The following UCHL1 variants were observed in gnomAD, a reference collection of about 807,000 sequenced individuals.
UCHL1 encodes ubiquitin C-terminal hydrolase L1.
UCHL1 carries 5 observed loss-of-function variants against 33.3 expected under a neutral mutation model. The observed-to-expected ratio is 0.15, with a 90% CI of 0.08 to 0.32. The LOEUF is 0.32. Among genes scored for constraint, UCHL1 ranks in the 10% least tolerant of loss-of-function variants. The pLI is 1.00. For missense variants in UCHL1, 236 were observed against 280.0 expected, an observed-to-expected ratio of 0.84 and a Z score of 1.12; for synonymous variants, 132 against 108.8, an observed-to-expected ratio of 1.21 and a Z score of -1.33.
Position 41,268,244 on chromosome 4 carries a change from C to T in UCHL1, c.*171C>T. On this transcript the variant is annotated 3_prime_UTR_variant, in exon 9 of 9. Transcript: ENST00000284440. ...CAGGCACTTAAGCACAAGCAGAGTGCACAGCTGTCCACTGGGCCATTGTGG... is the reference window on the plus strand; with the variant it reads ...CAGGCACTTAAGCACAAGCAGAGTGTACAGCTGTCCACTGGGCCATTGTGG... The T allele has an allele frequency of 1.5e-6, 1 of 661,982 alleles. No individual in the cohort carries two copies. The highest frequency in any genetic ancestry group is 2.7e-6 in the Non-Finnish European group (1 of 369,474). 41.0% of individuals were successfully genotyped at this position (661,982 alleles called of 1,614,324 possible). A position where few individuals can be genotyped will look rare whatever the true frequency, so the allele number is the denominator to read the frequency against.
At chr4:41,267,329 C>T (rs967983520) in intron 8 of UCHL1, among the ~76,000 whole-genome samples, 9 of 152,132 alleles carry the variant, frequency 5.9e-5, no homozygotes, top group South Asian at 2.1e-4. Flanking sequence ...CTGCAAGCTC[C>T]GCCTCCTGGG....
Position 41,257,847 on chromosome 4 carries a change from C to T in UCHL1, c.174+110C>T, listed in dbSNP as rs892047129. The T allele has an allele frequency of 8.4e-6, 12 of 1,436,274 alleles. No homozygotes were observed. The African/African-American group carries it at 1.6e-4, about 19-fold the overall frequency. 89.0% of individuals were successfully genotyped at this position (1,436,274 alleles called of 1,614,324 possible). On this transcript the variant is annotated intron_variant, in intron 3 of 8. Coordinates refer to ENST00000284440, the MANE Select transcript of UCHL1 (RefSeq NM_004181.5). Reference sequence around the variant, plus strand: ...CCCCTCCCCTGTAGGTGATGCGGGGCGCGCCTACAAGGAAGGGAGGAGCCT... The same window carrying T: ...CCCCTCCCCTGTAGGTGATGCGGGGTGCGCCTACAAGGAAGGGAGGAGCCT...
rs936469594 is a variant in UCHL1, at chr4:41,268,296, T to C, written c.*223T>C. ...GTGAGCTTCAGATGGTGAAGCATTC[T>C]CCCCAGTGTATGTCTTGTATCCGAT... is the stretch of plus-strand genomic sequence containing the variant. On this transcript the variant is annotated 3_prime_UTR_variant, in exon 9 of 9. Coordinates refer to ENST00000284440, the MANE Select transcript of UCHL1 (RefSeq NM_004181.5). 8 of 600,544 alleles carry C rather than the reference T, an allele frequency of 1.3e-5. No homozygotes were observed. The highest frequency in any genetic ancestry group is 2.4e-5 in the Non-Finnish European group (8 of 336,722). 37.2% of individuals were successfully genotyped at this position (600,544 alleles called of 1,614,324 possible).
rs772943928 is a variant in UCHL1 at position 41,261,711 on chromosome 4, T to C, written c.326-4T>C. 1 of 1,611,180 alleles carries C rather than the reference T, an allele frequency of 6.2e-7. No individual in the cohort carries two copies. Among genetic ancestry groups the C allele is most frequent in the African/African-American group, 1.3e-5 (1 of 74,910 alleles). On this transcript the variant is annotated splice_region_variant and splice_polypyrimidine_tract_variant and intron_variant, in intron 4 of 8. Coordinates refer to ENST00000284440, the MANE Select transcript of UCHL1 (RefSeq NM_004181.5). The stretch of plus-strand genomic sequence containing the variant: ...TATACTAACACATCCATTTTTTTTT[T>C]AAGAGGATGGATCAGTTCTGAAACA...
At chr4:41,266,247 T>A (rs951126233) in intron 8 of UCHL1, among the ~76,000 whole-genome samples, 12 of 143,700 alleles carry the variant, frequency 8.4e-5, no homozygotes, top group South Asian at 2.2e-4. Flanking sequence ...TTTTTTTTTT[T>A]AACTTTTCTA....
intron 2 of UCHL1, 95 bp from the exon 3 acceptor site, chr4:41,257,514 G>A: frequency 1.5e-6 from 2 of 1,360,668 alleles, no homozygotes; most frequent in Non-Finnish European, 1.9e-6. Flanking sequence ...TCGGGTGCGG[G>A]CGCGGAGGGC....
intron 4 of UCHL1, among the ~76,000 whole-genome samples, chr4:41,261,206 C>T (rs908577101): frequency 3.9e-5 from 6 of 152,012 alleles, no homozygotes; most frequent in East Asian, 1.9e-4. Flanking sequence ...TCTGAATAAC[C>T]GAATTACTAA....
chr4:41,260,545 C>A (rs1234698906), intron 3 of UCHL1, 102 bp from the exon 4 acceptor site: 2 of 1,423,774 alleles, frequency 1.4e-6, no homozygotes, highest in Non-Finnish European at 1.9e-6. Flanking sequence ...GTTCTGGTCA[C>A]ACATCCCACT....
intron 8 of UCHL1, 77 bp downstream of exon 8, chr4:41,264,238 C>T (rs773484021): frequency 1.3e-5 from 21 of 1,569,500 alleles, no homozygotes; most frequent in Admixed American, 5.0e-5. Context: ...AGTGCTAACA[C>T]TCTTCCAGTA....
intron 3 of UCHL1, among the ~76,000 whole-genome samples, chr4:41,259,662 C>T (rs1781039191): frequency 6.6e-6 from 1 of 152,154 alleles, no homozygotes; most frequent in Non-Finnish European, 1.5e-5. Flanking sequence ...TATGGGAAAT[C>T]AGTGTTTCTA....
intron 2 of UCHL1, chr4:41,257,396 C>A: frequency 1.1e-6 from 1 of 883,248 alleles, no homozygotes; most frequent in Non-Finnish European, 1.6e-6. Flanking sequence ...GCAGCACAGA[C>A]TCGGCTGCAC....
At chr4:41,263,589 C>G (rs929443711) in intron 7 of UCHL1, among the ~76,000 whole-genome samples, 1 of 152,172 alleles carries the variant, frequency 6.6e-6, no homozygotes, top group African/African-American at 2.4e-5. Flanking sequence ...GTTGGAATAA[C>G]TTCTATTAAC....
At chr4:41,257,887 CCT>C in intron 3 of UCHL1, 150 bp downstream of exon 3, 1 of 1,249,206 alleles carries the variant, frequency 8.0e-7, no homozygotes, top group Non-Finnish European at 1.1e-6. Context: ...TTTCGTGGTA[CCT>C]ACTCCCTGGG....
chr4:41,262,172 G>C (rs1232834152), intron 6 of UCHL1, among the ~76,000 whole-genome samples: 5 of 152,178 alleles, frequency 3.3e-5, no homozygotes, highest in Non-Finnish European at 7.4e-5. Context: ...ATCCAAATGA[G>C]TCTTATAGGT....
chr4:41,264,893 G>A (rs1781127598), intron 8 of UCHL1, among the ~76,000 whole-genome samples: 1 of 152,194 alleles, frequency 6.6e-6, no homozygotes, highest in Non-Finnish European at 1.5e-5. Flanking sequence ...TACTTAATTT[G>A]AGTAGTAATA....
At chr4:41,262,473 T>A (rs1781087249) in intron 6 of UCHL1, among the ~76,000 whole-genome samples, 1 of 152,086 alleles carries the variant, frequency 6.6e-6, no homozygotes, top group Non-Finnish European at 1.5e-5. Context: ...AGTGTACACC[T>A]CTCCTAGTAA....
chr4:41,258,394 G>GA (rs1366924555), intron 3 of UCHL1, among the ~76,000 whole-genome samples: 7 of 152,170 alleles, frequency 4.6e-5, no homozygotes, highest in Admixed American at 2.0e-4. Flanking sequence ...GTAGCTAACT[G>GA]AAATAGGGGG....
Position 41,261,692 on chromosome 4 carries a change from A to G in UCHL1, c.326-23A>G, listed in dbSNP as rs761622006. On this transcript the variant is annotated intron_variant, in intron 4 of 8. Coordinates refer to ENST00000284440, the MANE Select transcript of UCHL1 (RefSeq NM_004181.5). ...CCACTTGTATTATTTTACCTATACTAACACATCCATTTTTTTTTTAAGAGG... is the reference window on the plus strand; with the variant it reads ...CCACTTGTATTATTTTACCTATACTGACACATCCATTTTTTTTTTAAGAGG... 5 of 1,600,126 alleles carry G rather than the reference A, an allele frequency of 3.1e-6. No individual in the cohort carries two copies. In the South Asian group the frequency reaches 3.3e-5, roughly 11 times the overall value.
At chr4:41,258,844 T>C (rs986910431) in intron 3 of UCHL1, among the ~76,000 whole-genome samples, 1 of 152,222 alleles carries the variant, frequency 6.6e-6, no homozygotes, top group Non-Finnish European at 1.5e-5. Context: ...TGCTAAAGTC[T>C]TTTACTTGGG....
Sources: allele counts gnomAD v4.1 joint callset (sites outside exome capture counted in the v4.1 genomes callset), GRCh38; gene constraint gnomAD v4.1.1; transcripts MANE v1.5; gene names NCBI Gene and HGNC (gene_info 2026-07-23, HGNC 2026-07-21).